Variants in CUL2 observed in about 807,000 individuals in gnomAD.
CUL2 encodes the protein cullin 2, also known as cullin-2.
In CUL2, 22 loss-of-function variants were observed where a neutral mutation model predicts 110.2. That is an observed-to-expected ratio of 0.20 (90% CI 0.14 to 0.28). CUL2 has a LOEUF of 0.28. CUL2 is among the 10% of genes least tolerant of loss of function. The pLI is 1.00. For missense variants in CUL2, 631 were observed against 905.5 expected, an observed-to-expected ratio of 0.70 and a Z score of 3.89; for synonymous variants, 279 against 293.2, an observed-to-expected ratio of 0.95 and a Z score of 0.49.
chr10:35,086,598 T>C (rs2087071080), intron 1 of CUL2, among the ~76,000 whole-genome samples: 1 of 151,892 alleles, frequency 6.6e-6, no homozygotes, highest in Admixed American at 6.6e-5. Context: ...GAAACAGCTT[T>C]TTAAACAACT....
chr10:35,044,606 T>C lies in CUL2; in HGVS notation c.674A>G (p.Asn225Ser). 6.2e-7 allele frequency: 1 copy of C among 1,610,222 alleles called. No individual in the cohort carries two copies. Among genetic ancestry groups the C allele is most frequent in the Non-Finnish European group, 8.5e-7 (1 of 1,179,270 alleles). The change falls in exon 8 of 21, where the codon AAT becomes AGT. Residue 225 changes from asparagine to serine, a missense_variant. Around this residue, in one of 3 missense-constraint regions of CUL2, gnomAD observed 338 missense variants for 442.5 expected, o/e 0.76. Transcript: ENST00000374749. Reference protein sequence around the residue: ...TGEYYKQEASNLLQESNCSQY... With the variant: ...TGEYYKQEASSLLQESNCSQY... ...TGAGCAGTTTGATTCTTGTAATAAA[T>C]TTGAAGCTTCTTGTTTGTAATACTC...
intron 1 of CUL2, among the ~76,000 whole-genome samples, chr10:35,108,436 G>A (rs549324131): frequency 2.0e-5 from 3 of 147,116 alleles, no homozygotes; most frequent in Non-Finnish European, 4.5e-5. Flanking sequence ...TAGCCTGGGC[G>A]ACAGTTAGAC....
chr10:35,057,488 T>TA (rs1399119600), intron 4 of CUL2, among the ~76,000 whole-genome samples: 3 of 150,746 alleles, frequency 2.0e-5, no homozygotes, highest in East Asian at 2.0e-4. Context: ...CCGTCTCTAC[T>TA]AAAAAAATAC....
At position 35,033,161 on chromosome 10, in the gene CUL2, C is replaced by T. The variant is rs2085521186; in HGVS notation, c.1110+5G>A. The T allele has an allele frequency of 5.0e-6, 8 of 1,597,698 alleles. No homozygotes were observed. The highest frequency in any genetic ancestry group is 1.3e-5 in the African/African-American group (1 of 74,560). On this transcript the variant is annotated splice_donor_5th_base_variant and intron_variant, in intron 11 of 20. Transcript: ENST00000374749. ...ATATATAGTATATATGTATTTAAAA[C>T]TTACCTTATCCAACGCACTCATAAA...
At chr10:35,021,894 G>C (rs1335947337) in intron 17 of CUL2, among the ~76,000 whole-genome samples, 4 of 143,910 alleles carry the variant, frequency 2.8e-5, no homozygotes, top group African/African-American at 7.8e-5. Context: ...GGTGGGGTGA[G>C]GTGGGGTGAG....
At chr10:35,034,770 G>T (rs1009865134) in intron 10 of CUL2, among the ~76,000 whole-genome samples, 2 of 152,154 alleles carry the variant, frequency 1.3e-5, no homozygotes, top group African/African-American at 4.8e-5. Flanking sequence ...TTGCTTCCTG[G>T]ACAACCAAAT....
At position 35,010,181 on chromosome 10, in the gene CUL2, G is replaced by T; in HGVS notation, c.*130C>A. ...ACGCTCATGACGTGGCACTGGTGAT[G>T]TTGTAAACAGCAGAAAACAGGGGCT... On this transcript the variant is annotated 3_prime_UTR_variant, in exon 21 of 21. Coordinates refer to ENST00000374749, the MANE Select transcript of CUL2 (RefSeq NM_003591.4). The T allele has an allele frequency of 1.1e-6, 1 of 881,856 alleles. No individual in the cohort carries two copies. The highest frequency in any genetic ancestry group is 1.6e-6 in the Non-Finnish European group (1 of 632,090). The allele number at this position is 881,856 out of a possible 1,614,324, so 54.6% of individuals were successfully genotyped here. A position where few individuals can be genotyped will look rare whatever the true frequency, so the allele number is the denominator to read the frequency against.
At position 35,041,965 on chromosome 10, in the gene CUL2, A is replaced by G. The variant is rs189298332; in HGVS notation, c.714+2601T>C. Among the ~76,000 whole-genome samples, 130 of 152,336 alleles carry G rather than the reference A, an allele frequency of 8.5e-4. 1 individual carries two copies. The highest frequency in any genetic ancestry group is 5.9e-3 in the Admixed American group (90 of 15,300). Reference sequence around the variant, plus strand: ...TCACCCATTTAAAGTGTGCAATTCAATGGTTTTGGTATATTACATTATCAA... The same window carrying G: ...TCACCCATTTAAAGTGTGCAATTCAGTGGTTTTGGTATATTACATTATCAA... On this transcript the variant is annotated intron_variant, in intron 8 of 20. Coordinates refer to ENST00000374749, the MANE Select transcript of CUL2 (RefSeq NM_003591.4).
At chr10:35,117,731 T>G (rs1459412823) in intron 1 of CUL2, among the ~76,000 whole-genome samples, 3 of 152,220 alleles carry the variant, frequency 2.0e-5, no homozygotes, top group Admixed American at 6.5e-5. Flanking sequence ...GTGGAACCTA[T>G]TTGACTGGAC....
At chr10:35,032,531 A>G in intron 11 of CUL2, 37 bp from the exon 12 acceptor site, 2 of 1,525,436 alleles carry the variant, frequency 1.3e-6, no homozygotes, top group Non-Finnish European at 1.8e-6. Context: ...ACCACCAGCC[A>G]TAGGGAAAAA....
intron 1 of CUL2, among the ~76,000 whole-genome samples, chr10:35,119,559 A>ATTTTTTT (rs1207931893): frequency 7.5e-6 from 1 of 132,636 alleles, no homozygotes; most frequent in African/African-American, 2.7e-5. Context: ...TTTAAAATTA[A>ATTTTTTT]TTTTATTTAT....
intron 1 of CUL2, among the ~76,000 whole-genome samples, chr10:35,103,394 G>A (rs1013956459): frequency 7.3e-6 from 1 of 136,538 alleles, no homozygotes; most frequent in East Asian, 2.2e-4. Flanking sequence ...GCACGATCTC[G>A]ACTCACTGCA....
At chr10:35,067,313 A>G (rs946846483) in intron 2 of CUL2, among the ~76,000 whole-genome samples, 2 of 152,170 alleles carry the variant, frequency 1.3e-5, no homozygotes, top group African/African-American at 4.8e-5. Flanking sequence ...CTCCTCCAGT[A>G]GGAAAATGTC....
intron 1 of CUL2, among the ~76,000 whole-genome samples, chr10:35,076,880 C>T (rs906451274): frequency 6.6e-6 from 1 of 152,220 alleles, no homozygotes; most frequent in South Asian, 2.1e-4. Context: ...GAAACCCCAT[C>T]TCTACTAAAA....
At chr10:35,083,167 A>G (rs966678124) in intron 1 of CUL2, among the ~76,000 whole-genome samples, 11 of 151,540 alleles carry the variant, frequency 7.3e-5, no homozygotes, top group Admixed American at 7.3e-4. Flanking sequence ...AAAAAAAAAA[A>G]AAGAAAGAAA....
At chr10:35,082,434 T>G (rs1340774237) in intron 1 of CUL2, among the ~76,000 whole-genome samples, 1 of 152,150 alleles carries the variant, frequency 6.6e-6, no homozygotes, top group Non-Finnish European at 1.5e-5. Flanking sequence ...GGTTGTACAG[T>G]TTCTGTCTAG....
chr10:35,103,449 C>T (rs549572779), intron 1 of CUL2, among the ~76,000 whole-genome samples: 2 of 150,632 alleles, frequency 1.3e-5, no homozygotes, highest in African/African-American at 4.9e-5. Flanking sequence ...CTCAGCCTCC[C>T]GAGTAGCTGG....
At chr10:35,117,749 T>C (rs1325944158) in intron 1 of CUL2, among the ~76,000 whole-genome samples, 26 of 152,244 alleles carry the variant, frequency 1.7e-4, no homozygotes. Flanking sequence ...GACCATTCCA[T>C]GAAAGTTGTA....
intron 1 of CUL2, among the ~76,000 whole-genome samples, chr10:35,108,454 CAAA>C (rs774124021): frequency 1.0e-5 from 1 of 96,230 alleles, no homozygotes; most frequent in African/African-American, 4.0e-5. Context: ...GACCCTGACT[CAAA>C]AAAAAAAAAA....
Sources: gnomAD v4.1 joint callset for allele counts (sites outside exome capture counted in the v4.1 genomes callset) on GRCh38, gnomAD v4.1.1 for gene constraint, gnomAD v4.1.1 regional missense constraint, MANE v1.5 for transcripts, NCBI Gene and HGNC (gene_info 2026-07-23, HGNC 2026-07-21) for gene names.